PDS5A: variants seen among roughly 807,000 people sequenced by gnomAD.
The protein encoded by PDS5A is sister chromatid cohesion protein PDS5 homolog A.
Under a neutral mutation model 167.1 loss-of-function variants are expected in PDS5A, and 42 were observed. That is an observed-to-expected ratio of 0.25 (90% CI 0.20 to 0.33). PDS5A has a LOEUF of 0.33. Among genes scored for constraint, PDS5A ranks in the 10% least tolerant of loss-of-function variants. PDS5A has a pLI of 1.00. For synonymous variants in PDS5A, 553 were observed against 554.6 expected (o/e 1.00, Z 0.04); for missense variants, 1,033 against 1,605.9 (o/e 0.64, Z 6.10).
chr4:39,923,638 A>AACACACAAACACACAC (rs1553902731), intron 5 of PDS5A, among the ~76,000 whole-genome samples: 1 of 125,212 alleles, frequency 8.0e-6, no homozygotes, highest in African/African-American at 2.8e-5. Flanking sequence ...CCTGTCTCAA[A>AACACACAAACACACAC]ACACACACAC....
In PDS5A at chr4:39,925,935, TTAAA is replaced by T. The variant is rs764229623; in HGVS notation, c.430-6_430-3del. 108 of 1,141,574 alleles carry T rather than the reference TTAAA, an allele frequency of 9.5e-5. No individual in the cohort carries two copies. In the Middle Eastern group the frequency reaches 4.3e-3, roughly 46 times the overall value. 70.7% of individuals were successfully genotyped at this position (1,141,574 alleles called of 1,614,324 possible). On this transcript the variant is annotated splice_polypyrimidine_tract_variant and splice_region_variant and intron_variant, in intron 4 of 32. Transcript: ENST00000303538. Reference sequence around the variant, plus strand: ...ATATGATTTAACCCAAGCTAAATTCTTAAATAAATAAAAATAATTATTGAATTAT... The same window carrying T: ...ATATGATTTAACCCAAGCTAAATTCTTAAATAAAAATAATTATTGAATTAT...
intron 17 of PDS5A, among the ~76,000 whole-genome samples, chr4:39,880,707 A>T (rs1720857179): frequency 6.6e-6 from 1 of 152,204 alleles, no homozygotes. Context: ...TTCATGGGGT[A>T]CACAGTGATG....
At chr4:39,915,759 T>C (rs1724320296) in intron 8 of PDS5A, among the ~76,000 whole-genome samples, 1 of 152,204 alleles carries the variant, frequency 6.6e-6, no homozygotes, top group African/African-American at 2.4e-5. Context: ...CAATATGATT[T>C]ACTTCTTAAA....
rs375216497 is a variant in PDS5A, at chr4:39,913,625, T to C, written c.978A>G (p.Gln326=). 3.0e-5 allele frequency: 48 copies of C among 1,591,548 alleles called. No individual in the cohort carries two copies. Among genetic ancestry groups the C allele is most frequent in the Non-Finnish European group, 3.7e-5 (43 of 1,159,494 alleles). The change falls in exon 9 of 33, where the codon CAA becomes CAG. Residue 326 remains glutamine, a synonymous_variant. Transcript: ENST00000303538. ...DLATQNRPLW[Q]CFLGRFNDIH... ...TGTTCTCTTACCGTCCAAGAAAACA[T>C]TGCCAAAGAGGACGATTCTGTGTTG...
intron 11 of PDS5A, among the ~76,000 whole-genome samples, chr4:39,906,917 T>TA (rs1191690836): frequency 0.094 from 5,042 of 53,606 alleles, 310 homozygotes; most frequent in East Asian, 0.25. Flanking sequence ...ATTTCTTACA[T>TA]AAAAAAAAAA....
At chr4:39,928,295 T>C (rs777527913) in intron 2 of PDS5A, 131 bp from the exon 3 acceptor site, 2 of 594,270 alleles carry the variant, frequency 3.4e-6, no homozygotes, top group Admixed American at 3.1e-5. Context: ...CAGTCAACTT[T>C]TTATAAATCT....
At chr4:39,882,607 GTATT>G (rs1560451526) in intron 17 of PDS5A, among the ~76,000 whole-genome samples, 2 of 152,136 alleles carry the variant, frequency 1.3e-5, no homozygotes, top group South Asian at 2.1e-4. Context: ...TATTTCATGA[GTATT>G]TATTAACTAC....
chr4:39,870,748 A>G (rs1331130729), intron 21 of PDS5A, among the ~76,000 whole-genome samples: 1 of 152,204 alleles, frequency 6.6e-6, no homozygotes, highest in African/African-American at 2.4e-5. Flanking sequence ...CCACAATGAG[A>G]TATCACTTCT....
intron 19 of PDS5A, among the ~76,000 whole-genome samples, chr4:39,874,976 C>T (rs1165805888): frequency 6.6e-6 from 1 of 152,188 alleles, no homozygotes; most frequent in African/African-American, 2.4e-5. Context: ...CTAATGTTCA[C>T]ATCCACCCAA....
At position 39,920,328 on chromosome 4, in the gene PDS5A, G is replaced by T; in HGVS notation, c.726C>A (p.Cys242Ter). Residue 242 changes from cysteine (C) to a stop codon, truncating the protein, a stop_gained, in exon 7 of 33, where the codon TGC becomes TGA. Coordinates refer to ENST00000303538, the MANE Select transcript of PDS5A (RefSeq NM_001100399.2). LOFTEE classifies it high-confidence loss of function. ...LKRTVQTIEA[C>*]IANFFNQVLV... is the part of the protein sequence containing the mutation. ...AGAAAGAAATACATACATTAGCAATGCATGCCTCAATAGTCTGGACTGTTC... is the reference window on the plus strand; with the variant it reads ...AGAAAGAAATACATACATTAGCAATTCATGCCTCAATAGTCTGGACTGTTC... 1 of 1,441,956 alleles carries T rather than the reference G, an allele frequency of 6.9e-7. No individual in the cohort carries two copies. The highest frequency in any genetic ancestry group is 9.7e-7 in the Non-Finnish European group (1 of 1,033,138). 89.3% of individuals were successfully genotyped at this position (1,441,956 alleles called of 1,614,324 possible).
intron 2 of PDS5A, among the ~76,000 whole-genome samples, chr4:39,944,203 A>G (rs1260097096): frequency 1.3e-5 from 2 of 149,428 alleles, no homozygotes; most frequent in Non-Finnish European, 3.0e-5. Flanking sequence ...AAAAAAATAC[A>G]CTATTAATCA....
In PDS5A at chr4:39,824,156, A is replaced by C. The variant is rs1459104421; in HGVS notation, c.*1329T>G. 4 of 152,186 alleles carry C rather than the reference A, an allele frequency of 2.6e-5. No homozygotes were observed. Among genetic ancestry groups the C allele is most frequent in the Non-Finnish European group, 4.4e-5 (3 of 68,020 alleles). 9.4% of individuals were successfully genotyped at this position (152,186 alleles called of 1,614,324 possible). On this transcript the variant is annotated 3_prime_UTR_variant, in exon 33 of 33. Transcript: ENST00000303538. Reference sequence around the variant, plus strand: ...ATGTTCCTCCAGAATCAGGTCTTACATGCCTTCGTTATTTTGTTATCACAA... The same window carrying C: ...ATGTTCCTCCAGAATCAGGTCTTACCTGCCTTCGTTATTTTGTTATCACAA...
At chr4:39,849,461 G>C in intron 27 of PDS5A, 59 bp downstream of exon 27, 1 of 634,284 alleles carries the variant, frequency 1.6e-6, no homozygotes, top group Non-Finnish European at 2.5e-6. Context: ...AAAAAACCAA[G>C]TGGGACAATA....
At chr4:39,962,882 A>G (rs1729624256) in intron 2 of PDS5A, among the ~76,000 whole-genome samples, 1 of 152,148 alleles carries the variant, frequency 6.6e-6, no homozygotes, top group South Asian at 2.1e-4. Context: ...GAATCACTTG[A>G]ACCTGGGAAG....
chr4:39,946,451 A>C (rs893370545), intron 2 of PDS5A, among the ~76,000 whole-genome samples: 1 of 152,120 alleles, frequency 6.6e-6, no homozygotes, highest in African/African-American at 2.4e-5. Context: ...GTTGCCAAAA[A>C]TATTACCACC....
intron 2 of PDS5A, among the ~76,000 whole-genome samples, chr4:39,940,665 T>C (rs1727139551): frequency 6.6e-6 from 1 of 152,140 alleles, no homozygotes; most frequent in South Asian, 2.1e-4. Context: ...TACAGATTTT[T>C]ATTTTAATTT....
chr4:39,869,271 G>A (rs1231038753), intron 22 of PDS5A, 123 bp downstream of exon 22: 2 of 708,568 alleles, frequency 2.8e-6, no homozygotes, highest in Non-Finnish European at 5.1e-6. Context: ...AGGAGTTCAA[G>A]ACCAAACTGA....
intron 2 of PDS5A, among the ~76,000 whole-genome samples, chr4:39,974,931 T>A (rs1318027159): frequency 1.3e-5 from 2 of 151,764 alleles, no homozygotes; most frequent in African/African-American, 4.8e-5. Context: ...ACCAACATAG[T>A]GAAATCCCAT....
At chr4:39,956,801 T>C (rs1210884508) in intron 2 of PDS5A, among the ~76,000 whole-genome samples, 1 of 151,782 alleles carries the variant, frequency 6.6e-6, no homozygotes, top group Non-Finnish European at 1.5e-5. Context: ...GCCTCCAGAG[T>C]GGGCAGGACT....
Sources: gnomAD v4.1 joint callset for allele counts (sites outside exome capture counted in the v4.1 genomes callset) on GRCh38, gnomAD v4.1.1 for gene constraint, MANE v1.5 for transcripts, NCBI Gene and HGNC (gene_info 2026-07-23, HGNC 2026-07-21) for gene names.